MALRD1: variants seen among roughly 807,000 people sequenced by gnomAD.
MALRD1 encodes MAM and LDL-receptor class A domain-containing protein 1.
Under a neutral mutation model 242.1 loss-of-function variants are expected in MALRD1, and 247 were observed. That is an observed-to-expected ratio of 1.02 (90% confidence interval 0.92 to 1.13). MALRD1 has a LOEUF of 1.13. Ranked by LOEUF, MALRD1 falls within the 50% of genes most tolerant of loss-of-function variation. MALRD1 has a pLI of 0.00. For synonymous variants in MALRD1, 995 were observed against 866.6 expected (o/e 1.15, Z -2.60); for missense variants, 2,989 against 2,533.1 (o/e 1.18, Z -3.86).
chr10:19,117,207 A>C lies in MALRD1; in HGVS notation c.695-6285A>C, dbSNP rs189071113. The stretch of plus-strand genomic sequence containing the variant: ...AAATAGCTTTGAGCTCTGGGATTGA[A>C]TGCACTAAAATAAAAAGAGCTGTCC... On this transcript the variant is annotated intron_variant, in intron 5 of 39. Transcript: ENST00000454679. Among the ~76,000 whole-genome samples, 53 of 152,252 alleles carry C rather than the reference A, an allele frequency of 3.5e-4. 1 individual carries two copies. In the East Asian group the frequency reaches 0.01, roughly 29 times the overall value.
intron 29 of MALRD1, among the ~76,000 whole-genome samples, chr10:19,461,228 A>G (rs1835924877): frequency 6.6e-6 from 1 of 152,172 alleles, no homozygotes; most frequent in African/African-American, 2.4e-5. Flanking sequence ...TTCTTGAAGG[A>G]TTTGAGTCAA....
chr10:19,280,587 A>G (rs1346907627), intron 20 of MALRD1, among the ~76,000 whole-genome samples: 1 of 152,186 alleles, frequency 6.6e-6, no homozygotes, highest in Non-Finnish European at 1.5e-5. Flanking sequence ...AGTACTGTCA[A>G]ATTAATTTAT....
At chr10:19,063,573 G>T (rs1428291449) in intron 1 of MALRD1, among the ~76,000 whole-genome samples, 1 of 152,094 alleles carries the variant, frequency 6.6e-6, no homozygotes, top group Non-Finnish European at 1.5e-5. Flanking sequence ...TACTGAGAAT[G>T]ATGATTTCCA....
intron 18 of MALRD1, among the ~76,000 whole-genome samples, chr10:19,255,633 A>G (rs1339684195): frequency 6.6e-6 from 1 of 152,058 alleles, no homozygotes; most frequent in Non-Finnish European, 1.5e-5. Flanking sequence ...AGTTTCTCAA[A>G]TTGTAATTAT....
intron 21 of MALRD1, among the ~76,000 whole-genome samples, chr10:19,312,867 G>T (rs893275160): frequency 2.0e-5 from 3 of 151,440 alleles, no homozygotes; most frequent in African/African-American, 7.3e-5. Flanking sequence ...TTAGACATGA[G>T]TAGAAATGAA....
At chr10:19,705,042 G>T (rs1048605257) in intron 38 of MALRD1, among the ~76,000 whole-genome samples, 4 of 152,116 alleles carry the variant, frequency 2.6e-5, no homozygotes, top group African/African-American at 9.7e-5. Flanking sequence ...CCCCGTGAGA[G>T]GTACAGAATA....
chr10:19,506,725 G>A (rs1032570290), intron 31 of MALRD1, among the ~76,000 whole-genome samples: 3 of 152,032 alleles, frequency 2.0e-5, no homozygotes, highest in Non-Finnish European at 4.4e-5. Context: ...TAATAAAAAA[G>A]AAGTCATTAT....
At chr10:19,470,159 TA>T in intron 29 of MALRD1, among the ~76,000 whole-genome samples, 1 of 152,020 alleles carries the variant, frequency 6.6e-6, no homozygotes, top group East Asian at 1.9e-4. Flanking sequence ...TCTGTGAATC[TA>T]AAAGAAGATT....
Position 19,450,393 on chromosome 10 carries a change from G to A in MALRD1, c.4932G>A (p.Lys1644=). 1 of 1,550,422 alleles carries A rather than the reference G, an allele frequency of 6.4e-7. No homozygotes were observed. The highest frequency in any genetic ancestry group is 8.7e-7 in the Non-Finnish European group (1 of 1,146,948). Residue 1644 remains lysine, a synonymous_variant, in exon 29 of 40, where the codon AAG becomes AAA. Coordinates refer to ENST00000454679, the MANE Select transcript of MALRD1 (RefSeq NM_001142308.3). ...AAAAGGCTGACATCCTGCTAGGAAA[G>A]TTAAGGAATTTTGAAGTCATATTTC... The part of the protein sequence containing the change: ...HWQKADILLG[K]LRNFEVIFQG...
rs527894591 is a variant in MALRD1, at chr10:19,324,241, T to A, written c.3576+136T>A. 174 of 843,958 alleles carry A rather than the reference T, an allele frequency of 2.1e-4. No individual in the cohort carries two copies. The African/African-American group carries it at 2.6e-3, about 13-fold the overall frequency. 52.3% of individuals were successfully genotyped at this position (843,958 alleles called of 1,614,324 possible). A position where few individuals can be genotyped will look rare whatever the true frequency, so the allele number is the denominator to read the frequency against. On this transcript the variant is annotated intron_variant, in intron 22 of 39. Transcript: ENST00000454679. ...ACACTTCACTAGATTTATAGTGGTA[T>A]ATGGAGTAAAAGCTTTAGCAGAATT...
At chr10:19,262,567 A>C (rs1477279905) in intron 19 of MALRD1, among the ~76,000 whole-genome samples, 1 of 151,584 alleles carries the variant, frequency 6.6e-6, no homozygotes, top group Non-Finnish European at 1.5e-5. Flanking sequence ...GAGGCAGGAG[A>C]ATTGCTTGAA....
chr10:19,229,678 A>C (rs1349273177), intron 18 of MALRD1, among the ~76,000 whole-genome samples: 1 of 152,074 alleles, frequency 6.6e-6, no homozygotes, highest in Non-Finnish European at 1.5e-5. Context: ...ATGATGAAAA[A>C]CAAGACAGAA....
intron 24 of MALRD1, among the ~76,000 whole-genome samples, chr10:19,337,272 T>G (rs1456826115): frequency 6.6e-6 from 1 of 152,104 alleles, no homozygotes; most frequent in East Asian, 1.9e-4. Context: ...AGGTGATCAG[T>G]GCTATGAGAA....
At chr10:19,192,230 C>T (rs1335605924) in intron 14 of MALRD1, among the ~76,000 whole-genome samples, 2 of 151,850 alleles carry the variant, frequency 1.3e-5, no homozygotes, top group Non-Finnish European at 2.9e-5. Context: ...GTCAGTTTTG[C>T]GAGATGAAAA....
At chr10:19,484,622 T>C (rs7070697) in intron 29 of MALRD1, among the ~76,000 whole-genome samples, 21,650 of 152,204 alleles carry the variant, frequency 0.14, 1,798 homozygotes, top group African/African-American at 0.23. Context: ...CCATATAATA[T>C]GCTTCCCACT....
chr10:19,651,409 T>A (rs1026078484), intron 36 of MALRD1, among the ~76,000 whole-genome samples: 2 of 152,180 alleles, frequency 1.3e-5, no homozygotes, highest in African/African-American at 2.4e-5. Context: ...AATAATGATT[T>A]AAGGTAGGCC....
chr10:19,186,853 T>C (rs1287125589), intron 14 of MALRD1, among the ~76,000 whole-genome samples: 1 of 152,188 alleles, frequency 6.6e-6, no homozygotes, highest in Non-Finnish European at 1.5e-5. Flanking sequence ...GTTCATTTTG[T>C]TTCCATTTTC....
intron 29 of MALRD1, among the ~76,000 whole-genome samples, chr10:19,452,909 T>C (rs1200486534): frequency 6.6e-6 from 1 of 152,208 alleles, no homozygotes; most frequent in Non-Finnish European, 1.5e-5. Context: ...CTCAGGTAAG[T>C]TTCTTCATTT....
chr10:19,121,250 A>C (rs1449346912), intron 5 of MALRD1, among the ~76,000 whole-genome samples: 2 of 151,822 alleles, frequency 1.3e-5, no homozygotes, highest in African/African-American at 4.8e-5. Context: ...CATGTTGGCC[A>C]GGCTGGTCTC....
Sources: gnomAD v4.1 joint callset for allele counts (sites outside exome capture counted in the v4.1 genomes callset) on GRCh38, gnomAD v4.1.1 for gene constraint, MANE v1.5 for transcripts, NCBI Gene and HGNC (gene_info 2026-07-23, HGNC 2026-07-21) for gene names.